SLC16A13: variants seen among roughly 807,000 people sequenced by gnomAD.
The protein encoded by SLC16A13 is solute carrier family 16 member 13.
In SLC16A13, 28 loss-of-function variants were observed where a neutral mutation model predicts 28.1. That is an observed-to-expected ratio of 1.00 (90% CI 0.74 to 1.37). SLC16A13 has a LOEUF of 1.37. Among genes scored for constraint, SLC16A13 ranks in the 40% most tolerant of loss-of-function variants. The probability of loss-of-function intolerance (pLI) is 0.00; values close to 1 mark genes in which losing one functional copy is unlikely to be tolerated. For missense variants in SLC16A13, 482 were observed against 531.8 expected (o/e 0.91, Z 0.92); for synonymous variants, 228 against 241.6 (o/e 0.94, Z 0.52).
chr17:7,036,211 GA>G lies in SLC16A13; in HGVS notation c.-168del. 3 of 642,404 alleles carry G rather than the reference GA, an allele frequency of 4.7e-6. No homozygotes were observed. The highest frequency in any genetic ancestry group is 7.9e-6 in the Non-Finnish European group (3 of 377,504). 39.8% of individuals were successfully genotyped at this position (642,404 alleles called of 1,614,324 possible). A position where few individuals can be genotyped will look rare whatever the true frequency, so the allele number is the denominator to read the frequency against. On this transcript the variant is annotated 5_prime_UTR_variant, in exon 1 of 4. Transcript: ENST00000308027. The stretch of plus-strand genomic sequence containing the variant: ...TCAGTCCTATATCGCCCCGCCTTGG[GA>G]AAAGGTGCAGGGGCCTCTCGCCGCC...
chr17:7,037,755 G>A (rs1390464406), intron 2 of SLC16A13, among the ~76,000 whole-genome samples: 6 of 152,098 alleles, frequency 3.9e-5, no homozygotes, highest in Non-Finnish European at 8.8e-5. Context: ...AAAGGTGCTA[G>A]GTACTGTGAC....
Position 7,039,518 on chromosome 17 carries a change from A to C in SLC16A13, c.1082-245A>C, listed in dbSNP as rs1222087098. Among the ~76,000 whole-genome samples the C allele has an allele frequency of 6.6e-6, 1 of 151,478 alleles. No homozygotes were observed. The highest frequency in any genetic ancestry group is 1.5e-5 in the Non-Finnish European group (1 of 67,978). ...AGAAAGAAAGGCACAAGTATGCCTG[A>C]CTCAATCTGGATCTCCAAATCCCTG... On this transcript the variant is annotated intron_variant, in intron 3 of 3. Coordinates refer to ENST00000308027, the MANE Select transcript of SLC16A13 (RefSeq NM_201566.3). This position sits in a 1 kb window ranked among gnomAD's most constrained non-coding sequence, Gnocchi z 4.3.
chr17:7,040,061 T>C lies in SLC16A13; in HGVS notation c.*99T>C, dbSNP rs1389476877. Reference sequence around the variant, plus strand: ...CAGAACCACAGTGCCTTAAGATTCTTGATCTGCCTCCCCCTAGAGCAGGCC... The same window carrying C: ...CAGAACCACAGTGCCTTAAGATTCTCGATCTGCCTCCCCCTAGAGCAGGCC... On this transcript the variant is annotated 3_prime_UTR_variant, in exon 4 of 4. Coordinates refer to ENST00000308027, the MANE Select transcript of SLC16A13 (RefSeq NM_201566.3). 9.1e-7 allele frequency: 1 copy of C among 1,102,066 alleles called. No homozygotes were observed. Among genetic ancestry groups the C allele is most frequent in the African/African-American group, 1.5e-5 (1 of 64,538 alleles). The allele number at this position is 1,102,066 out of a possible 1,614,324, so 68.3% of individuals were successfully genotyped here. A position where few individuals can be genotyped will look rare whatever the true frequency, so the allele number is the denominator to read the frequency against.
Position 7,038,035 on chromosome 17 carries a change from T to TCC in SLC16A13, c.344-115_344-114dup. The TCC allele has an allele frequency of 8.1e-7, 1 of 1,236,378 alleles. No individual in the cohort carries two copies. Among genetic ancestry groups the TCC allele is most frequent in the Non-Finnish European group, 1.1e-6 (1 of 887,668 alleles). The allele number at this position is 1,236,378 out of a possible 1,614,324, so 76.6% of individuals were successfully genotyped here. On this transcript the variant is annotated intron_variant, in intron 2 of 3. Coordinates refer to ENST00000308027, the MANE Select transcript of SLC16A13 (RefSeq NM_201566.3). This position sits in a 1 kb window ranked among gnomAD's most constrained non-coding sequence, Gnocchi z 5.7. Reference sequence around the variant, plus strand: ...ATGAAGTATCCAAGCCAAGATTGTATCCCAGGTCTGTGGGACTCCGAAGCA... The same window carrying TCC: ...ATGAAGTATCCAAGCCAAGATTGTATCCCCCAGGTCTGTGGGACTCCGAAGCA...
chr17:7,036,209 G>T lies in SLC16A13; in HGVS notation c.-174G>T. 1.6e-6 allele frequency: 1 copy of T among 636,568 alleles called. No homozygotes were observed. Among genetic ancestry groups the T allele is most frequent in the Non-Finnish European group, 2.7e-6 (1 of 372,348 alleles). 39.4% of individuals were successfully genotyped at this position (636,568 alleles called of 1,614,324 possible). A position where few individuals can be genotyped will look rare whatever the true frequency, so the allele number is the denominator to read the frequency against. On this transcript the variant is annotated 5_prime_UTR_variant, in exon 1 of 4. Transcript: ENST00000308027. The stretch of plus-strand genomic sequence containing the variant: ...CTTCAGTCCTATATCGCCCCGCCTT[G>T]GGAAAAGGTGCAGGGGCCTCTCGCC...
In SLC16A13 at chr17:7,039,740, T is replaced by C; in HGVS notation, c.1082-23T>C. 3 of 1,613,790 alleles carry C rather than the reference T, an allele frequency of 1.9e-6. No homozygotes were observed. The highest frequency in any genetic ancestry group is 2.7e-5 in the African/African-American group (2 of 75,010). ...CCAGCAAATAGATCACTCATGTGTA[T>C]TCTTTTTCTCTCTTGGACCTAGGCT... On this transcript the variant is annotated intron_variant, in intron 3 of 3. Coordinates refer to ENST00000308027, the MANE Select transcript of SLC16A13 (RefSeq NM_201566.3). This position sits in a 1 kb window ranked among gnomAD's most constrained non-coding sequence, Gnocchi z 4.3.
Position 7,039,939 on chromosome 17 carries a change from A to T in SLC16A13, c.1258A>T (p.Lys420Ter). The T allele has an allele frequency of 6.2e-7, 1 of 1,613,848 alleles. No individual in the cohort carries two copies. The highest frequency in any genetic ancestry group is 8.5e-7 in the Non-Finnish European group (1 of 1,179,990). The stretch of plus-strand genomic sequence containing the variant: ...ACTAGATACTAAAGTTCCCCTACCC[A>T]AGGAGGGGCTGGAAGAGGACTGAAC... The part of the protein sequence containing the change: ...EALDTKVPLP[K>*]EGLEED The change falls in exon 4 of 4, where the codon AAG becomes TAG. Residue 420 changes from lysine to a stop codon, truncating the protein, a stop_gained. Transcript: ENST00000308027. LOFTEE classifies it high-confidence loss of function. The surrounding 1 kb of genome is among the most constrained non-coding windows in gnomAD (Gnocchi z 4.3).
intron 1 of SLC16A13, 57 bp from the exon 2 acceptor site, chr17:7,036,670 A>C (rs1016813496): frequency 6.2e-7 from 1 of 1,606,986 alleles, no homozygotes; most frequent in African/African-American, 1.3e-5. Context: ...GAGGGGCGGG[A>C]GATGCTGGGG....
In SLC16A13 at chr17:7,039,164, C is replaced by G. The variant is rs1473892710; in HGVS notation, c.1081+275C>G. On this transcript the variant is annotated intron_variant, in intron 3 of 3. Coordinates refer to ENST00000308027, the MANE Select transcript of SLC16A13 (RefSeq NM_201566.3). This position sits in a 1 kb window ranked among gnomAD's most constrained non-coding sequence, Gnocchi z 4.3. ...GAGGACCTGGCAGAACCTGGCCAGA[C>G]ACAGACGTAGCATTCCAGTGTGCAC... 6.6e-6 allele frequency among the ~76,000 whole-genome samples: 1 copy of G among 152,186 alleles called. No homozygotes were observed. The highest frequency in any genetic ancestry group is 1.5e-5 in the Non-Finnish European group (1 of 68,034).
chr17:7,038,707 T>A lies in SLC16A13; in HGVS notation c.899T>A (p.Val300Glu). The A allele has an allele frequency of 4.3e-6, 7 of 1,614,174 alleles. No individual in the cohort carries two copies. Among genetic ancestry groups the A allele is most frequent in the Non-Finnish European group, 5.9e-6 (7 of 1,180,020 alleles). Residue 300 changes from valine to glutamate, a missense_variant, in exon 3 of 4, where the codon GTA (valine) becomes GAA (glutamate). Transcript: ENST00000308027. The surrounding 1 kb of genome is among the most constrained non-coding windows in gnomAD (Gnocchi z 5.7). ...GGGGTGTCACTAGCCCTGTTCCCTG[T>A]AGCTCAGGCTCCCACAGCCCTGGTG... is the stretch of plus-strand genomic sequence containing the variant. ...LTGVSLALFPVAQAPTALVAL... is the reference protein window; with the variant it reads ...LTGVSLALFPEAQAPTALVAL...
Position 7,038,294 on chromosome 17 carries a change from G to C in SLC16A13, c.486G>C (p.Leu162=), listed in dbSNP as rs1183504145. The C allele has an allele frequency of 3.1e-6, 5 of 1,614,054 alleles. No homozygotes were observed. Among genetic ancestry groups the C allele is most frequent in the Non-Finnish European group, 3.4e-6 (4 of 1,180,008 alleles). The change falls in exon 3 of 4, where the codon CTG becomes CTC. Residue 162 remains leucine, a synonymous_variant. Transcript: ENST00000308027. This position sits in a 1 kb window ranked among gnomAD's most constrained non-coding sequence, Gnocchi z 5.7. ...SFTFAPFFQW[L]LSHYAWRGSL... Reference sequence around the variant, plus strand: ...CATTTGCCCCCTTTTTCCAGTGGCTGCTCAGCCACTACGCCTGGAGGGGGT... The same window carrying C: ...CATTTGCCCCCTTTTTCCAGTGGCTCCTCAGCCACTACGCCTGGAGGGGGT...
chr17:7,036,641 G>T, intron 1 of SLC16A13, 60 bp downstream of exon 1: 4 of 1,609,266 alleles, frequency 2.5e-6, no homozygotes, highest in Middle Eastern at 2.1e-4. Context: ...GGAATGCGGC[G>T]ACTGGGAAGT....
At position 7,036,060 on chromosome 17, in the gene SLC16A13, C is replaced by T. The variant is rs1461019391; in HGVS notation, c.-323C>T. The T allele has an allele frequency of 1.9e-5, 5 of 269,348 alleles. No individual in the cohort carries two copies. The East Asian group carries it at 2.7e-4, about 15-fold the overall frequency. 16.7% of individuals were successfully genotyped at this position (269,348 alleles called of 1,614,324 possible). On this transcript the variant is annotated 5_prime_UTR_variant, in exon 1 of 4. Transcript: ENST00000308027. Reference sequence around the variant, plus strand: ...CAGGGGTGGGGCCCAAACTCAGTTCCACCCTCTGGCTCCCAGCCGAACACC... The same window carrying T: ...CAGGGGTGGGGCCCAAACTCAGTTCTACCCTCTGGCTCCCAGCCGAACACC...
chr17:7,038,212 G>C lies in SLC16A13; in HGVS notation c.404G>C (p.Arg135Pro). 1 of 1,613,968 alleles carries C rather than the reference G, an allele frequency of 6.2e-7. No individual in the cohort carries two copies. Residue 135 changes from arginine (R) to proline (P), a missense_variant, in exon 3 of 4, where the codon CGC becomes CCC. Physicochemically the swap from Arg to Pro is moderately radical, Grantham distance 103. Coordinates refer to ENST00000308027, the MANE Select transcript of SLC16A13 (RefSeq NM_201566.3). The surrounding 1 kb of genome is among the most constrained non-coding windows in gnomAD (Gnocchi z 5.7). ...TLACLSCYFS[R>P]RRSLATGLAL... The stretch of plus-strand genomic sequence containing the variant: ...GCCTGCCTGTCCTGTTATTTCTCTC[G>C]CCGACGATCCCTGGCCACCGGGCTG...
rs1335002302 is a variant in SLC16A13 at position 7,038,481 on chromosome 17, C to G, written c.673C>G (p.Leu225Val). The change falls in exon 3 of 4, where the codon CTG becomes GTG. Residue 225 changes from leucine to valine, a missense_variant. Physicochemically the swap from Leu to Val is conservative, Grantham distance 32 (BLOSUM62 1). Transcript: ENST00000308027. This position sits in a 1 kb window ranked among gnomAD's most constrained non-coding sequence, Gnocchi z 5.7. ...CCTCCGTTACACTGTTGCCCTCACC[C>G]TGATCAACACTGGCTACTTCATTCC... ...PFLRYTVALT[L>V]INTGYFIPYL... The G allele has an allele frequency of 6.2e-7, 1 of 1,614,160 alleles. No individual in the cohort carries two copies. The highest frequency in any genetic ancestry group is 8.5e-7 in the Non-Finnish European group (1 of 1,180,030).
At position 7,036,321 on chromosome 17, in the gene SLC16A13, G is replaced by A. The variant is rs1261035904; in HGVS notation, c.-62G>A. ...GCAGCGGGGGTGGGTGTGCAGAGGT[G>A]CGGCGTCCAGAACCCGGCTCCTGCA... On this transcript the variant is annotated 5_prime_UTR_variant, in exon 1 of 4. Transcript: ENST00000308027. 4 of 1,517,202 alleles carry A rather than the reference G, an allele frequency of 2.6e-6. No individual in the cohort carries two copies. The highest frequency in any genetic ancestry group is 2.0e-5 in the Admixed American group (1 of 49,570). 94.0% of individuals were successfully genotyped at this position (1,517,202 alleles called of 1,614,324 possible).
rs1339568553 is a variant in SLC16A13, at chr17:7,040,071, C to T, written c.*109C>T. ...GTGCCTTAAGATTCTTGATCTGCCTCCCCCTAGAGCAGGCCTGGGGCTCCT... is the reference window on the plus strand; with the variant it reads ...GTGCCTTAAGATTCTTGATCTGCCTTCCCCTAGAGCAGGCCTGGGGCTCCT... On this transcript the variant is annotated 3_prime_UTR_variant, in exon 4 of 4. Transcript: ENST00000308027. 5.0e-6 allele frequency: 5 copies of T among 990,588 alleles called. No individual in the cohort carries two copies. Among genetic ancestry groups the T allele is most frequent in the Non-Finnish European group, 7.5e-6 (5 of 663,802 alleles). 61.4% of individuals were successfully genotyped at this position (990,588 alleles called of 1,614,324 possible). A position where few individuals can be genotyped will look rare whatever the true frequency, so the allele number is the denominator to read the frequency against.
chr17:7,038,250 G>A lies in SLC16A13; in HGVS notation c.442G>A (p.Val148Met), dbSNP rs748411366. The A allele has an allele frequency of 6.2e-6, 10 of 1,614,002 alleles. No individual in the cohort carries two copies. The African/African-American group carries it at 6.7e-5, about 11-fold the overall frequency. Residue 148 changes from valine (V) to methionine (M), a missense_variant, in exon 3 of 4, where the codon GTG becomes ATG. Coordinates refer to ENST00000308027, the MANE Select transcript of SLC16A13 (RefSeq NM_201566.3). This position sits in a 1 kb window ranked among gnomAD's most constrained non-coding sequence, Gnocchi z 5.7. ...SLATGLALTG[V>M]GLSSFTFAPF... ...GGCCACCGGGCTGGCACTGACAGGC[G>A]TGGGCCTCTCCTCCTTCACATTTGC...
rs186831581 is a variant in SLC16A13 at position 7,036,801 on chromosome 17, C to G, written c.274C>G (p.Leu92Val). ...GATGACTGGAGGCATCTTGGCTGCG[C>G]TGGGGATGCTGCTCGCCTCTTTTGC... ...VVMTGGILAA[L>V]GMLLASFATS... Residue 92 changes from leucine to valine, a missense_variant, in exon 2 of 4, where the codon CTG becomes GTG. Leu to Val is a conservative substitution (Grantham distance 32, BLOSUM62 1). Coordinates refer to ENST00000308027, the MANE Select transcript of SLC16A13 (RefSeq NM_201566.3). 7 of 1,613,960 alleles carry G rather than the reference C, an allele frequency of 4.3e-6. No individual in the cohort carries two copies. In the East Asian group the frequency reaches 1.3e-4, roughly 31 times the overall value.
Sources: allele counts gnomAD v4.1 joint callset (sites outside exome capture counted in the v4.1 genomes callset), GRCh38; gene constraint gnomAD v4.1.1; non-coding constraint Gnocchi (gnomAD v3.1); transcripts MANE v1.5; gene names NCBI Gene and HGNC (gene_info 2026-07-23, HGNC 2026-07-21).